PCNX1: variants seen among roughly 807,000 people sequenced by gnomAD.
PCNX1 encodes the protein pecanex-like protein 1.
Under a neutral mutation model 242.2 loss-of-function variants are expected in PCNX1, and 78 were observed. That is an observed-to-expected ratio of 0.32 (90% confidence interval 0.27 to 0.39). PCNX1 has a LOEUF of 0.39. Ranked by LOEUF, PCNX1 falls within the 10% of genes least tolerant of loss-of-function variation. The probability of loss-of-function intolerance (pLI) is 1.00; values close to 1 mark genes in which losing one functional copy is unlikely to be tolerated. For missense variants in PCNX1, 2,581 were observed against 2,856.5 expected (o/e 0.90, Z 2.20); for synonymous variants, 1,024 against 1,032.9 (o/e 0.99, Z 0.17).
At chr14:70,971,439 C>T (rs2058539566) in intron 5 of PCNX1, among the ~76,000 whole-genome samples, 1 of 151,318 alleles carries the variant, frequency 6.6e-6, no homozygotes, top group African/African-American at 2.4e-5. Context: ...CCACCGCGCC[C>T]GGCCTATAGT....
intron 7 of PCNX1, among the ~76,000 whole-genome samples, chr14:70,993,124 AT>A (rs5809506): frequency 0.12 from 17,823 of 145,884 alleles, 1,299 homozygotes; most frequent in African/African-American, 0.2. Flanking sequence ...ATCTAAATTA[AT>A]TTTTTTTTTT....
At chr14:71,036,195 T>G (rs771800867) in intron 19 of PCNX1, 38 bp downstream of exon 19, 2 of 1,312,112 alleles carry the variant, frequency 1.5e-6, no homozygotes, top group East Asian at 4.6e-5. Flanking sequence ...GTTTGTTTGT[T>G]TGAGACAGGG....
rs947874878 is a variant in PCNX1, at chr14:71,113,348, T to C, written c.*3413T>C. On this transcript the variant is annotated 3_prime_UTR_variant, in exon 36 of 36. Transcript: ENST00000304743. ...CAATATTTGTATCCTAAGTGAGATA[T>C]GGAAAATTACTCTGTATACTAAATG... The C allele has an allele frequency of 1.3e-5, 2 of 152,654 alleles. No individual in the cohort carries two copies. The highest frequency in any genetic ancestry group is 2.4e-5 in the African/African-American group (1 of 41,464). The allele number at this position is 152,654 out of a possible 1,614,324, so 9.5% of individuals were successfully genotyped here. A position where few individuals can be genotyped will look rare whatever the true frequency, so the allele number is the denominator to read the frequency against.
chr14:71,049,616 T>A lies in PCNX1; in HGVS notation c.4339-1036T>A, dbSNP rs921774953. 2.0e-5 allele frequency among the ~76,000 whole-genome samples: 3 copies of A among 152,328 alleles called. No individual in the cohort carries two copies. In the South Asian group the frequency reaches 6.2e-4, roughly 32 times the overall value. ...TCATTATAATGGCATCGTGATGATA[T>A]ACATGCTGCTTTTACTTACCATGAT... On this transcript the variant is annotated intron_variant, in intron 22 of 35. Transcript: ENST00000304743.
At chr14:71,100,739 T>G (rs937682991) in intron 30 of PCNX1, among the ~76,000 whole-genome samples, 5 of 152,174 alleles carry the variant, frequency 3.3e-5, no homozygotes, top group African/African-American at 1.2e-4. Context: ...AATTGGTAAG[T>G]TTGGTTGCTT....
chr14:71,085,717 G>A, intron 28 of PCNX1: 1 of 244,734 alleles, frequency 4.1e-6, no homozygotes, highest in Admixed American at 4.7e-5. Context: ...TTGGATAGGT[G>A]TCATCGAGGC....
At chr14:70,921,480 A>G (rs756282481) in intron 1 of PCNX1, among the ~76,000 whole-genome samples, 3 of 152,142 alleles carry the variant, frequency 2.0e-5, no homozygotes, top group Non-Finnish European at 2.9e-5. Context: ...AGATCTGCCT[A>G]TGTTGCCCAG....
chr14:70,995,322 AATTCTAGAGTT>A (rs2059316204), intron 7 of PCNX1, among the ~76,000 whole-genome samples: 1 of 152,218 alleles, frequency 6.6e-6, no homozygotes, highest in Non-Finnish European at 1.5e-5. Context: ...TTGAAAGAAC[AATTCTAGAGTT>A]ATTACAAGGC....
intron 10 of PCNX1, chr14:71,011,893 CT>C: frequency 4.9e-6 from 1 of 205,608 alleles, no homozygotes; most frequent in Non-Finnish European, 9.7e-6. Flanking sequence ...ACCCTCCCTA[CT>C]TTTTGGCTAT....
At position 71,109,876 on chromosome 14, in the gene PCNX1, G is replaced by T; in HGVS notation, c.6967G>T (p.Asp2323Tyr). Reference sequence around the variant, plus strand: ...CAAGGCAGTGCTTCTGGTCCAGATTGATGATAAATATGTGACTGTAATTGA... The same window carrying T: ...CAAGGCAGTGCTTCTGGTCCAGATTTATGATAAATATGTGACTGTAATTGA... ...IDKAVLLVQIDDKYVTVIETG... is the reference protein window; with the variant it reads ...IDKAVLLVQIYDKYVTVIETG... Residue 2323 changes from aspartate to tyrosine, a missense_variant, in exon 36 of 36, where the codon GAT becomes TAT. Physicochemically the swap from Asp to Tyr is radical, Grantham distance 160. Coordinates refer to ENST00000304743, the MANE Select transcript of PCNX1 (RefSeq NM_014982.3). 1.9e-6 allele frequency: 3 copies of T among 1,613,178 alleles called. No homozygotes were observed. Among genetic ancestry groups the T allele is most frequent in the Non-Finnish European group, 2.5e-6 (3 of 1,179,202 alleles).
At chr14:71,101,865 A>G (rs992685184) in intron 30 of PCNX1, 125 bp from the exon 31 acceptor site, 1 of 518,280 alleles carries the variant, frequency 1.9e-6, no homozygotes, top group Non-Finnish European at 3.3e-6. Flanking sequence ...TTTATCTCTA[A>G]TAATATTAAC....
intron 5 of PCNX1, 151 bp downstream of exon 5, chr14:70,969,261 A>C: frequency 1.7e-6 from 1 of 595,974 alleles, no homozygotes; most frequent in Middle Eastern, 3.8e-4. Flanking sequence ...TGATAGTAGT[A>C]ATACAGAGTT....
intron 1 of PCNX1, chr14:70,942,837 C>T (rs79555780): frequency 1.3e-5 from 2 of 152,204 alleles, no homozygotes; most frequent in African/African-American, 4.8e-5. Context: ...CCAAATCTCA[C>T]CTTGAATTGT....
intron 28 of PCNX1, among the ~76,000 whole-genome samples, chr14:71,082,701 G>A (rs2141565254): frequency 6.6e-6 from 1 of 152,034 alleles, no homozygotes; most frequent in Middle Eastern, 3.4e-3. Flanking sequence ...CATTCACTTG[G>A]TAAATATTCC....
chr14:70,926,469 G>A (rs1293044202), intron 1 of PCNX1, among the ~76,000 whole-genome samples: 1 of 152,190 alleles, frequency 6.6e-6, no homozygotes, highest in East Asian at 1.9e-4. Context: ...AGCAGCAAGA[G>A]AAGCACTTGC....
At chr14:70,989,650 C>A (rs569320031) in intron 7 of PCNX1, among the ~76,000 whole-genome samples, 31 of 151,522 alleles carry the variant, frequency 2.0e-4, no homozygotes, top group Admixed American at 8.6e-4. Context: ...CTGGCTCAGC[C>A]TCCCGAGGAG....
chr14:71,052,122 T>C, intron 24 of PCNX1, 110 bp downstream of exon 24: 1 of 818,890 alleles, frequency 1.2e-6, no homozygotes, highest in Non-Finnish European at 1.8e-6. Flanking sequence ...TGTTGAAATA[T>C]TTATTTTTGC....
chr14:71,110,501 T>A lies in PCNX1; in HGVS notation c.*566T>A, dbSNP rs1263679353. Reference sequence around the variant, plus strand: ...AATAAAAAAAACTGCACTAATTTTTTACAGCAATGCACTAAAGTCTGAGAT... The same window carrying A: ...AATAAAAAAAACTGCACTAATTTTTAACAGCAATGCACTAAAGTCTGAGAT... On this transcript the variant is annotated 3_prime_UTR_variant, in exon 36 of 36. Coordinates refer to ENST00000304743, the MANE Select transcript of PCNX1 (RefSeq NM_014982.3). The A allele has an allele frequency of 6.5e-6, 1 of 153,190 alleles. No individual in the cohort carries two copies. Among genetic ancestry groups the A allele is most frequent in the Non-Finnish European group, 1.5e-5 (1 of 68,484 alleles). The allele number at this position is 153,190 out of a possible 1,614,324, so 9.5% of individuals were successfully genotyped here. A position where few individuals can be genotyped will look rare whatever the true frequency, so the allele number is the denominator to read the frequency against.
rs2059869946 is a variant in PCNX1, at chr14:71,013,157, T to C, written c.2951T>C (p.Ile984Thr). 1 of 1,614,158 alleles carries C rather than the reference T, an allele frequency of 6.2e-7. No individual in the cohort carries two copies. Among genetic ancestry groups the C allele is most frequent in the Non-Finnish European group, 8.5e-7 (1 of 1,180,016 alleles). ...TTTTGGATCCTACCCCAGCTGTGGA[T>C]TGGCATTAACTTTGACAGACTCACA... Reference protein sequence around the residue: ...YRFWILPQLWIGINFDRLTLL... With the variant: ...YRFWILPQLWTGINFDRLTLL... The change falls in exon 11 of 36, where the codon ATT becomes ACT. Residue 984 changes from isoleucine (I) to threonine (T), a missense_variant. Ile to Thr is a moderately conservative substitution (Grantham distance 89). This residue lies in a region of PCNX1 where 1,204 missense variants were observed against 1,216.7 expected (regional missense o/e 0.99). Coordinates refer to ENST00000304743, the MANE Select transcript of PCNX1 (RefSeq NM_014982.3).
Sources: gnomAD v4.1 joint callset for allele counts (sites outside exome capture counted in the v4.1 genomes callset) on GRCh38, gnomAD v4.1.1 for gene constraint, gnomAD v4.1.1 regional missense constraint, MANE v1.5 for transcripts, NCBI Gene and HGNC (gene_info 2026-07-23, HGNC 2026-07-21) for gene names.